The following MS4A6E variants were observed in gnomAD, a reference collection of about 807,000 sequenced individuals.
MS4A6E encodes the protein membrane spanning 4-domains A6E.
In MS4A6E, 8 loss-of-function variants were observed where a neutral mutation model predicts 13.2. The ratio of observed to expected loss-of-function variants is 0.60; its 90% CI spans 0.35 to 1.09. The LOEUF (loss-of-function observed/expected upper bound fraction) is 1.09, where lower values mean the gene tolerates loss of function less well. Ranked by LOEUF, MS4A6E falls within the 50% of genes least tolerant of loss-of-function variation. MS4A6E has a pLI of 0.02. For synonymous variants in MS4A6E, 72 were observed against 67.6 expected (o/e 1.06, Z -0.32); for missense variants, 177 against 171.1 (o/e 1.03, Z -0.19).
intron 1 of MS4A6E, among the ~76,000 whole-genome samples, chr11:60,329,936 C>T (rs2085143566): frequency 1.3e-5 from 2 of 151,544 alleles, no homozygotes. Flanking sequence ...AGTGATTCTC[C>T]TGCCTCAGCC....
chr11:60,338,185 G>C (rs2085201405), intron 3 of MS4A6E, among the ~76,000 whole-genome samples: 1 of 152,242 alleles, frequency 6.6e-6, no homozygotes, highest in African/African-American at 2.4e-5. Context: ...CTTACGGTTT[G>C]TAGAGTTTCT....
At chr11:60,344,207 C>T (rs945425786), downstream of MS4A6E, among the ~76,000 whole-genome samples, 1 of 152,138 alleles carries the variant, frequency 6.6e-6, no homozygotes, top group African/African-American at 2.4e-5. Context: ...TAGACCACAG[C>T]GGGGAGTTAT....
At chr11:60,344,250 C>T (rs2085246222), downstream of MS4A6E, among the ~76,000 whole-genome samples, 1 of 152,158 alleles carries the variant, frequency 6.6e-6, no homozygotes, top group Non-Finnish European at 1.5e-5. Flanking sequence ...CCTCAGATGC[C>T]TTTTCTGTAT....
intron 4 of MS4A6E, among the ~76,000 whole-genome samples, chr11:60,347,225 G>A (rs1259497046): frequency 6.6e-6 from 1 of 152,080 alleles, no homozygotes; most frequent in East Asian, 1.9e-4. Flanking sequence ...TTAGTTTTGG[G>A]GAATCATTTC....
rs10212 is a variant in MS4A6E, at chr11:60,340,805, T to C, written c.*39T>C. On this transcript the variant is annotated 3_prime_UTR_variant, in exon 5 of 5. Transcript: ENST00000684409. ...TCATGTCCTCAAAGACGACTCATGA[T>C]GCTGGATATGAAGAACTATTGACTT... The C allele has an allele frequency of 0.31, 62,461 of 199,664 alleles. 10,911 individuals carry two copies. The highest frequency in any genetic ancestry group is 0.51 in the African/African-American group (21,892 of 43,120). The allele number at this position is 199,664 out of a possible 1,614,324, so 12.4% of individuals were successfully genotyped here. A position where few individuals can be genotyped will look rare whatever the true frequency, so the allele number is the denominator to read the frequency against.
Position 60,331,159 on chromosome 11 carries a change from C to G in MS4A6E, c.-14-3723C>G, listed in dbSNP as rs377010618. Among the ~76,000 whole-genome samples the G allele has an allele frequency of 1.5e-3, 221 of 152,180 alleles. 1 individual carries two copies. The highest frequency in any genetic ancestry group is 5.6e-3 in the South Asian group (27 of 4,822). On this transcript the variant is annotated intron_variant, in intron 1 of 4. Coordinates refer to ENST00000684409, the MANE Select transcript of MS4A6E (RefSeq NM_139249.4). Reference sequence around the variant, plus strand: ...TGCTTGATATCCTGATACTTAATGTCTAAATACTTAAGACATGTCCCCTAA... The same window carrying G: ...TGCTTGATATCCTGATACTTAATGTGTAAATACTTAAGACATGTCCCCTAA...
intron 2 of MS4A6E, 137 bp from the exon 3 acceptor site, chr11:60,337,604 C>G: frequency 9.8e-7 from 1 of 1,015,746 alleles, no homozygotes; most frequent in East Asian, 2.5e-5. Context: ...ACTGGAGAGG[C>G]CTACAACAAG....
chr11:60,335,125 T>A (rs2085180640), intron 2 of MS4A6E, 83 bp downstream of exon 2: 1 of 1,557,730 alleles, frequency 6.4e-7, no homozygotes, highest in Non-Finnish European at 8.7e-7. Flanking sequence ...GTCATCCTTG[T>A]GAGTGTGGAG....
intron 4 of MS4A6E, among the ~76,000 whole-genome samples, chr11:60,347,582 A>G (rs1294501951): frequency 2.4e-5 from 3 of 126,644 alleles, no homozygotes; most frequent in East Asian, 4.1e-4. Context: ...GAGAACTGAG[A>G]AAAAAAAAAA....
chr11:60,331,297 T>A (rs2085154495), intron 1 of MS4A6E, among the ~76,000 whole-genome samples: 1 of 152,098 alleles, frequency 6.6e-6, no homozygotes, highest in South Asian at 2.1e-4. Context: ...ATTCCCTAAT[T>A]ATAAAAATAT....
downstream of MS4A6E, among the ~76,000 whole-genome samples, chr11:60,345,503 G>A (rs1391067419): frequency 6.6e-6 from 1 of 152,316 alleles, no homozygotes; most frequent in East Asian, 1.9e-4. Context: ...TCTGTGAAGA[G>A]GGTCTAGTCT....
At chr11:60,344,970 CTG>C (rs2085249436), downstream of MS4A6E, among the ~76,000 whole-genome samples, 1 of 152,014 alleles carries the variant, frequency 6.6e-6, no homozygotes, top group African/African-American at 2.4e-5. Context: ...GAGTCTCACT[CTG>C]TGGCCCAGGC....
At chr11:60,330,043 T>A (rs1413213033) in intron 1 of MS4A6E, among the ~76,000 whole-genome samples, 1 of 150,470 alleles carries the variant, frequency 6.6e-6, no homozygotes, top group Non-Finnish European at 1.5e-5. Context: ...GCCAGGCTGG[T>A]TTTGATCTCC....
At chr11:60,335,450 C>T in intron 2 of MS4A6E, 1 of 390,434 alleles carries the variant, frequency 2.6e-6, no homozygotes, top group South Asian at 2.0e-5. Context: ...AAATATACCT[C>T]CTCTCCCTGT....
At chr11:60,337,611 C>G (rs898282350) in intron 2 of MS4A6E, 130 bp from the exon 3 acceptor site, 6 of 1,140,548 alleles carry the variant, frequency 5.3e-6, no homozygotes, top group Admixed American at 2.3e-5. Flanking sequence ...AGGCCTACAA[C>G]AAGAAATGAT....
intron 1 of MS4A6E, among the ~76,000 whole-genome samples, chr11:60,328,862 A>G (rs1298883496): frequency 6.6e-6 from 1 of 152,198 alleles, no homozygotes; most frequent in African/African-American, 2.4e-5. Flanking sequence ...GTTCTAATGT[A>G]CAGTACAAAG....
chr11:60,330,348 T>A (rs868689410), intron 1 of MS4A6E, among the ~76,000 whole-genome samples: 2 of 125,452 alleles, frequency 1.6e-5, no homozygotes, highest in Non-Finnish European at 1.6e-5. Context: ...TTTTTTTTTT[T>A]TTTTTTTTTT....
downstream of MS4A6E, among the ~76,000 whole-genome samples, chr11:60,342,173 GTGTGTGAGAGAGAGAGAGAGAGA>G (rs1400608589): frequency 4.9e-3 from 162 of 32,806 alleles, 1 homozygote; most frequent in African/African-American, 0.015. Context: ...GTGTGTGTGT[GTGTGTGAGAGAGAGAGAGAGAGA>G]GAGAGGGGGG....
At chr11:60,338,615 A>G (rs1001780995) in intron 3 of MS4A6E, 9 of 152,238 alleles carry the variant, frequency 5.9e-5, no homozygotes, top group African/African-American at 1.9e-4. Flanking sequence ...GAAGAAGAAA[A>G]ACAATGAAGT....
Sources: allele counts gnomAD v4.1 joint callset (sites outside exome capture counted in the v4.1 genomes callset), GRCh38; gene constraint gnomAD v4.1.1; transcripts MANE v1.5; gene names NCBI Gene and HGNC (gene_info 2026-07-23, HGNC 2026-07-21).